Variants in STAU2 observed in about 807,000 individuals in gnomAD.
STAU2 encodes double-stranded RNA-binding protein Staufen homolog 2.
A neutral mutation model predicts 65.9 loss-of-function variants in STAU2; 20 were observed. The ratio of observed to expected loss-of-function variants is 0.30; its 90% CI spans 0.21 to 0.44. The LOEUF (loss-of-function observed/expected upper bound fraction) is 0.44, where lower values mean the gene tolerates loss of function less well. Among genes scored for constraint, STAU2 ranks in the 20% least tolerant of loss-of-function variants. The pLI is 1.00. For synonymous variants in STAU2, 232 were observed against 233.9 expected (o/e 0.99, Z 0.07); for missense variants, 558 against 683.9 (o/e 0.82, Z 2.05).
At chr8:73,560,703 C>T (rs1448483601) in intron 12 of STAU2, among the ~76,000 whole-genome samples, 1 of 152,154 alleles carries the variant, frequency 6.6e-6, no homozygotes, top group Non-Finnish European at 1.5e-5. Context: ...GCATCCAGCA[C>T]ACCTCCAAGA....
intron 6 of STAU2, among the ~76,000 whole-genome samples, chr8:73,668,738 G>C (rs1563494583): frequency 6.7e-6 from 1 of 150,240 alleles, no homozygotes; most frequent in Non-Finnish European, 1.5e-5. Context: ...CATAATAAAA[G>C]GAGACAGGTA....
At chr8:73,724,574 AT>A (rs1805489505) in intron 3 of STAU2, among the ~76,000 whole-genome samples, 1 of 151,222 alleles carries the variant, frequency 6.6e-6, no homozygotes, top group South Asian at 2.1e-4. Flanking sequence ...TATTTAGATG[AT>A]TTTGCCCAAC....
chr8:73,600,078 C>T (rs184911230), intron 10 of STAU2, among the ~76,000 whole-genome samples: 3 of 152,120 alleles, frequency 2.0e-5, no homozygotes, highest in Non-Finnish European at 2.9e-5. Context: ...TCCAACAGTA[C>T]TTTTAAGCTT....
chr8:73,658,369 A>AT lies in STAU2; in HGVS notation c.410+14737dup, dbSNP rs199523511. ...GGCAACAGAGCAACACTCCATCTCA[A>AT]TTAAAAAAAAAAATTATCTTGGGAA... On this transcript the variant is annotated intron_variant, in intron 6 of 14. Transcript: ENST00000524300. Among the ~76,000 whole-genome samples, 384 of 151,882 alleles carry AT rather than the reference A, an allele frequency of 2.5e-3. 1 individual carries two copies. The highest frequency in any genetic ancestry group is 4.2e-3 in the Non-Finnish European group (282 of 67,882).
intron 13 of STAU2, among the ~76,000 whole-genome samples, chr8:73,450,490 C>A (rs1418938306): frequency 6.6e-6 from 1 of 152,156 alleles, no homozygotes; most frequent in East Asian, 1.9e-4. Context: ...ACTCATTTTA[C>A]CCTCTAGTAA....
intron 13 of STAU2, among the ~76,000 whole-genome samples, chr8:73,447,996 C>T (rs61023075): frequency 0.089 from 13,540 of 152,148 alleles, 1,219 homozygotes; most frequent in African/African-American, 0.23. Context: ...CCAACATCTT[C>T]CAACTTCACT....
At chr8:73,642,760 G>A (rs773120934) in intron 6 of STAU2, among the ~76,000 whole-genome samples, 1 of 152,152 alleles carries the variant, frequency 6.6e-6, no homozygotes, top group Non-Finnish European at 1.5e-5. Context: ...GGGTGGAGTG[G>A]GTTGGGGTGA....
chr8:73,635,105 C>A (rs1256262782), intron 6 of STAU2, among the ~76,000 whole-genome samples: 1 of 152,120 alleles, frequency 6.6e-6, no homozygotes, highest in African/African-American at 2.4e-5. Flanking sequence ...ACTAAATGTC[C>A]ATGAATACAG....
At chr8:73,431,727 TG>T (rs1299968160) in intron 13 of STAU2, among the ~76,000 whole-genome samples, 1 of 152,236 alleles carries the variant, frequency 6.6e-6, no homozygotes, top group Non-Finnish European at 1.5e-5. Flanking sequence ...CATGCCTATT[TG>T]TTGGCCTTGG....
intron 10 of STAU2, among the ~76,000 whole-genome samples, chr8:73,600,259 C>G (rs1379922231): frequency 6.6e-6 from 1 of 152,230 alleles, no homozygotes; most frequent in Non-Finnish European, 1.5e-5. Flanking sequence ...ACATGAAACG[C>G]TGAAAACATA....
At chr8:73,652,738 A>C (rs1442694785) in intron 6 of STAU2, 1 of 151,862 alleles carries the variant, frequency 6.6e-6, no homozygotes. Flanking sequence ...AAAAAAAAAA[A>C]ACTGTTATTT....
chr8:73,732,813 T>C (rs998590195), intron 3 of STAU2: 1 of 152,198 alleles, frequency 6.6e-6, no homozygotes, highest in Non-Finnish European at 1.5e-5. Flanking sequence ...GTCTGCCGTC[T>C]GCCCTCCTTT....
intron 13 of STAU2, among the ~76,000 whole-genome samples, chr8:73,541,553 T>C (rs1806545590): frequency 6.6e-6 from 1 of 152,126 alleles, no homozygotes; most frequent in Admixed American, 6.6e-5. Context: ...ACTAAAGACA[T>C]GCAAAAATCA....
intron 13 of STAU2, among the ~76,000 whole-genome samples, chr8:73,454,959 G>GA (rs1483553103): frequency 6.6e-6 from 1 of 151,956 alleles, no homozygotes; most frequent in Non-Finnish European, 1.5e-5. Flanking sequence ...ACCACTAGGA[G>GA]AGAGGTAGTT....
At chr8:73,498,923 G>T (rs116404739) in intron 13 of STAU2, among the ~76,000 whole-genome samples, 2,844 of 151,924 alleles carry the variant, frequency 0.019, 80 homozygotes, top group African/African-American at 0.066. Flanking sequence ...ACATTTTGCA[G>T]ATGTGATGAA....
At chr8:73,559,657 AC>A (rs1268850038) in intron 12 of STAU2, among the ~76,000 whole-genome samples, 1 of 152,174 alleles carries the variant, frequency 6.6e-6, no homozygotes, top group Non-Finnish European at 1.5e-5. Flanking sequence ...AAGGTCAGGG[AC>A]AGGTGGAATG....
At chr8:73,629,459 ATT>A (rs1370125082) in intron 6 of STAU2, among the ~76,000 whole-genome samples, 1 of 152,238 alleles carries the variant, frequency 6.6e-6, no homozygotes, top group Non-Finnish European at 1.5e-5. Context: ...AAAGATAATC[ATT>A]TTGTTTCATA....
At chr8:73,701,259 G>A (rs1212334356) in intron 4 of STAU2, among the ~76,000 whole-genome samples, 1 of 152,102 alleles carries the variant, frequency 6.6e-6, no homozygotes, top group African/African-American at 2.4e-5. Flanking sequence ...GGCAACCAAA[G>A]CAACAATGGA....
At chr8:73,678,042 C>A (rs552358164) in intron 5 of STAU2, among the ~76,000 whole-genome samples, 7 of 152,120 alleles carry the variant, frequency 4.6e-5, no homozygotes, top group Non-Finnish European at 1.0e-4. Flanking sequence ...TTGTTCTGTT[C>A]CATTCCAAAT....
Sources: allele counts gnomAD v4.1 joint callset (sites outside exome capture counted in the v4.1 genomes callset), GRCh38; gene constraint gnomAD v4.1.1; transcripts MANE v1.5; gene names NCBI Gene and HGNC (gene_info 2026-07-23, HGNC 2026-07-21).